The following DCPS variants were observed in gnomAD, a reference collection of about 807,000 sequenced individuals.
DCPS encodes the protein decapping enzyme, scavenger.
DCPS carries 27 observed loss-of-function variants against 34.7 expected under a neutral mutation model. The observed-to-expected ratio is 0.78, with a 90% CI of 0.57 to 1.07. The LOEUF is 1.07. Ranked by LOEUF, DCPS falls within the 50% of genes least tolerant of loss-of-function variation. The pLI is 0.00. For synonymous variants in DCPS, 185 were observed against 185.7 expected, an observed-to-expected ratio of 1.00 and a Z score of 0.03; for missense variants, 464 against 436.9, an observed-to-expected ratio of 1.06 and a Z score of -0.55.
chr11:126,339,944 G>A (rs1951864247), intron 4 of DCPS, among the ~76,000 whole-genome samples: 1 of 152,194 alleles, frequency 6.6e-6, no homozygotes, highest in African/African-American at 2.4e-5. Context: ...TAGAGGTGTG[G>A]GGTAGGAGGA....
intron 2 of DCPS, among the ~76,000 whole-genome samples, chr11:126,316,709 G>A (rs56751543): frequency 0.018 from 2,690 of 151,576 alleles, 84 homozygotes; most frequent in African/African-American, 0.058. Context: ...CTGTAGTGCG[G>A]TGGCGTCGTG....
rs947884306 is a variant in DCPS, at chr11:126,342,183, G to A, written c.637-1124G>A. On this transcript the variant is annotated intron_variant, in intron 4 of 5. Transcript: ENST00000263579. The surrounding 1 kb of genome is among the most constrained non-coding windows in gnomAD (Gnocchi z 4.4). ...AATTACCAGGCAAGGCCAGGGTTTAGGTGAGCAGGGTGGGTTTTCTCAGCA... is the reference window on the plus strand; with the variant it reads ...AATTACCAGGCAAGGCCAGGGTTTAAGTGAGCAGGGTGGGTTTTCTCAGCA... 6.6e-6 allele frequency: 1 copy of A among 152,298 alleles called. No homozygotes were observed. Among genetic ancestry groups the A allele is most frequent in the Non-Finnish European group, 1.5e-5 (1 of 68,092 alleles). 9.4% of individuals were successfully genotyped at this position (152,298 alleles called of 1,614,324 possible).
At position 126,320,235 on chromosome 11, in the gene DCPS, G is replaced by C. The variant is rs892896082; in HGVS notation, c.377-11170G>C. On this transcript the variant is annotated intron_variant, in intron 2 of 5. Transcript: ENST00000263579. This position sits in a 1 kb window ranked among gnomAD's most constrained non-coding sequence, Gnocchi z 4.7. ...TGTACTGTGAGGTCTAATCAGTGTC[G>C]GGTGTTATCTTAGGCACTGCACACA... Among the ~76,000 whole-genome samples, 3 of 152,066 alleles carry C rather than the reference G, an allele frequency of 2.0e-5. No homozygotes were observed. The highest frequency in any genetic ancestry group is 2.0e-4 in the Admixed American group (3 of 15,258).
intron 1 of DCPS, 31 bp downstream of exon 1, chr11:126,304,312 G>C (rs1951545382): frequency 6.2e-7 from 1 of 1,612,006 alleles, no homozygotes; most frequent in Admixed American, 1.7e-5. Flanking sequence ...GGTGGGATGC[G>C]GGAAGCAGTG....
At position 126,304,287 on chromosome 11, in the gene DCPS, A is replaced by G. The variant is rs1011723352; in HGVS notation, c.201+6A>G. On this transcript the variant is annotated splice_donor_region_variant and intron_variant, in intron 1 of 5. Coordinates refer to ENST00000263579, the MANE Select transcript of DCPS (RefSeq NM_014026.6). ...TCATTTTCCTACACGGGAAGGTACC[A>G]GGAGGCAACCCTGAGGTGGGATGCG... is the stretch of plus-strand genomic sequence containing the variant. 1.2e-6 allele frequency: 2 copies of G among 1,614,010 alleles called. No homozygotes were observed. Among genetic ancestry groups the G allele is most frequent in the East Asian group, 2.2e-5 (1 of 44,868 alleles).
intron 2 of DCPS, among the ~76,000 whole-genome samples, chr11:126,330,935 C>A (rs1435644227): frequency 1.3e-5 from 2 of 151,392 alleles, no homozygotes; most frequent in Non-Finnish European, 2.9e-5. Context: ...GGGGTTTCTC[C>A]ACGTTGGTCA....
chr11:126,304,100 AACT>A lies in DCPS; in HGVS notation c.22_24del (p.Leu8del), dbSNP rs774656105. On this transcript the variant is annotated inframe_deletion, in exon 1 of 6. Transcript: ENST00000263579. Reference sequence around the variant, plus strand: ...GGCAGCATGGCGGACGCAGCTCCTCAACTAGGCAAGAGGAAGCGCGAATTGGAC... The same window carrying A: ...GGCAGCATGGCGGACGCAGCTCCTCAAGGCAAGAGGAAGCGCGAATTGGAC... 3.7e-6 allele frequency: 6 copies of A among 1,610,434 alleles called. No individual in the cohort carries two copies. Among genetic ancestry groups the A allele is most frequent in the Non-Finnish European group, 5.1e-6 (6 of 1,178,436 alleles).
chr11:126,311,076 G>A (rs1042852204), intron 2 of DCPS, among the ~76,000 whole-genome samples: 1 of 152,112 alleles, frequency 6.6e-6, no homozygotes, highest in African/African-American at 2.4e-5. Context: ...TCCCCTCCAC[G>A]TTCTCAGCTG....
At chr11:126,314,300 T>C (rs1222405313) in intron 2 of DCPS, among the ~76,000 whole-genome samples, 1 of 152,246 alleles carries the variant, frequency 6.6e-6, no homozygotes, top group Non-Finnish European at 1.5e-5. Flanking sequence ...GGCTGTATAG[T>C]ATTCCATGGT....
Position 126,335,074 on chromosome 11 carries a change from C to T in DCPS, c.523-3212C>T, listed in dbSNP as rs608008. ...GATGCCAGGATGGCAGCCACCATCC[C>T]CTACTCTAGGTAACTGTTCAGAGGG... On this transcript the variant is annotated intron_variant, in intron 3 of 5. Transcript: ENST00000263579. The surrounding 1 kb of genome is among the most constrained non-coding windows in gnomAD (Gnocchi z 4.8). 0.69 allele frequency among the ~76,000 whole-genome samples: 105,156 copies of T among 152,116 alleles called. 36,517 individuals carry two copies. The highest frequency in any genetic ancestry group is 0.88 in the East Asian group (4,544 of 5,172).
chr11:126,331,131 A>C lies in DCPS; in HGVS notation c.377-274A>C, dbSNP rs1309060692. 6.6e-6 allele frequency among the ~76,000 whole-genome samples: 1 copy of C among 152,180 alleles called. No individual in the cohort carries two copies. Among genetic ancestry groups the C allele is most frequent in the Non-Finnish European group, 1.5e-5 (1 of 68,034 alleles). On this transcript the variant is annotated intron_variant, in intron 2 of 5. Transcript: ENST00000263579. This position sits in a 1 kb window ranked among gnomAD's most constrained non-coding sequence, Gnocchi z 7.2. Reference sequence around the variant, plus strand: ...GAGACCTCTCATTCCTGTGCCTGGAAGATGGAGCAGGAAGGGCTGGGGTTT... The same window carrying C: ...GAGACCTCTCATTCCTGTGCCTGGACGATGGAGCAGGAAGGGCTGGGGTTT...
chr11:126,308,791 AC>A (rs1951594682), intron 2 of DCPS, among the ~76,000 whole-genome samples: 1 of 143,332 alleles, frequency 7.0e-6, no homozygotes, highest in Non-Finnish European at 1.5e-5. Flanking sequence ...TGTGGAATTC[AC>A]AGGCTGTCCT....
At position 126,325,670 on chromosome 11, in the gene DCPS, G is replaced by A. The variant is rs1951734087; in HGVS notation, c.377-5735G>A. ...CTTCATTTGACTCTTTGACATATAT[G>A]CAAGTACAATTTGAATTAAAAAGAC... On this transcript the variant is annotated intron_variant, in intron 2 of 5. Coordinates refer to ENST00000263579, the MANE Select transcript of DCPS (RefSeq NM_014026.6). The surrounding 1 kb of genome is among the most constrained non-coding windows in gnomAD (Gnocchi z 4.3). 6.6e-6 allele frequency among the ~76,000 whole-genome samples: 1 copy of A among 152,168 alleles called. No homozygotes were observed. The highest frequency in any genetic ancestry group is 1.5e-5 in the Non-Finnish European group (1 of 68,032).
At position 126,332,067 on chromosome 11, in the gene DCPS, G is replaced by A. The variant is rs987034469; in HGVS notation, c.522+517G>A. 3.9e-5 allele frequency among the ~76,000 whole-genome samples: 6 copies of A among 152,218 alleles called. No homozygotes were observed. Among genetic ancestry groups the A allele is most frequent in the African/African-American group, 1.4e-4 (6 of 41,458 alleles). ...GTCCATGAATGGGTAAAAGGCTGAT[G>A]TTGAGTGAGTCCCACCCTGTCCAGA... is the stretch of plus-strand genomic sequence containing the variant. On this transcript the variant is annotated intron_variant, in intron 3 of 5. Transcript: ENST00000263579. This position sits in a 1 kb window ranked among gnomAD's most constrained non-coding sequence, Gnocchi z 5.4.
intron 2 of DCPS, among the ~76,000 whole-genome samples, chr11:126,309,754 C>T (rs1181427524): frequency 1.3e-5 from 2 of 152,106 alleles, no homozygotes; most frequent in East Asian, 3.9e-4. Context: ...ATAGCTTTTC[C>T]CTGGGTGATA....
At position 126,346,230 on chromosome 11, in the gene DCPS, C is replaced by T. The variant is rs1182252842; in HGVS notation, c.*617C>T. ...GGGTTTTAATAAGAATCAGATTATGCAAGGCCGAAAAGCCTGCCTTGCTCT... is the reference window on the plus strand; with the variant it reads ...GGGTTTTAATAAGAATCAGATTATGTAAGGCCGAAAAGCCTGCCTTGCTCT... On this transcript the variant is annotated 3_prime_UTR_variant, in exon 6 of 6. Transcript: ENST00000263579. The surrounding 1 kb of genome is among the most constrained non-coding windows in gnomAD (Gnocchi z 4.1). Among the ~76,000 whole-genome samples, 2 of 152,166 alleles carry T rather than the reference C, an allele frequency of 1.3e-5. No homozygotes were observed. Among genetic ancestry groups the T allele is most frequent in the Non-Finnish European group, 2.9e-5 (2 of 68,032 alleles).
At position 126,315,045 on chromosome 11, in the gene DCPS, T is replaced by C. The variant is rs1324968540; in HGVS notation, c.376+8301T>C. ...GACACATGCACACATATGTTCATTG[T>C]AGAGCTATTCATGATAGCAAAGACA... On this transcript the variant is annotated intron_variant, in intron 2 of 5. Coordinates refer to ENST00000263579, the MANE Select transcript of DCPS (RefSeq NM_014026.6). The surrounding 1 kb of genome is among the most constrained non-coding windows in gnomAD (Gnocchi z 6.1). Among the ~76,000 whole-genome samples the C allele has an allele frequency of 6.6e-6, 1 of 152,080 alleles. No individual in the cohort carries two copies. The highest frequency in any genetic ancestry group is 1.5e-5 in the Non-Finnish European group (1 of 68,042).
intron 2 of DCPS, among the ~76,000 whole-genome samples, chr11:126,307,644 T>C (rs550738384): frequency 2.0e-5 from 3 of 152,132 alleles, no homozygotes; most frequent in Non-Finnish European, 4.4e-5. Flanking sequence ...CCTGACCTCG[T>C]GATCCACCCG....
intron 2 of DCPS, among the ~76,000 whole-genome samples, chr11:126,309,767 T>C (rs595760): frequency 0.63 from 96,211 of 152,020 alleles, 31,478 homozygotes; most frequent in East Asian, 0.82. Flanking sequence ...GGGTGATATT[T>C]GAGGTCAGGA....
Sources: gnomAD v4.1 joint callset for allele counts (sites outside exome capture counted in the v4.1 genomes callset) on GRCh38, gnomAD v4.1.1 for gene constraint, Gnocchi (gnomAD v3.1) non-coding constraint, MANE v1.5 for transcripts, NCBI Gene and HGNC (gene_info 2026-07-23, HGNC 2026-07-21) for gene names.